CPLANE1: variants seen among roughly 807,000 people sequenced by gnomAD.
The protein encoded by CPLANE1 is ciliogenesis and planar polarity effector complex subunit 1.
In CPLANE1, 263 loss-of-function variants were observed where a neutral mutation model predicts 362.5. That is an observed-to-expected ratio of 0.73 (90% CI 0.66 to 0.80). CPLANE1 has a LOEUF of 0.80. Ranked by LOEUF, CPLANE1 falls within the 30% of genes least tolerant of loss-of-function variation. The pLI is 0.00. For synonymous variants in CPLANE1, 1,212 were observed against 1,302.6 expected (o/e 0.93, Z 1.50); for missense variants, 3,461 against 3,793.4 (o/e 0.91, Z 2.30).
intron 38 of CPLANE1, among the ~76,000 whole-genome samples, chr5:37,161,677 G>C (rs1561451237): frequency 6.6e-6 from 1 of 152,130 alleles, no homozygotes; most frequent in Non-Finnish European, 1.5e-5. Flanking sequence ...TGGACAATGA[G>C]AGTTTAGATA....
downstream of CPLANE1, among the ~76,000 whole-genome samples, chr5:37,105,100 G>C (rs1010572944): frequency 1.3e-5 from 2 of 152,032 alleles, no homozygotes; most frequent in Non-Finnish European, 2.9e-5. Flanking sequence ...TCAGGAGTTC[G>C]AGATGAGCCT....
rs75487399 is a variant in CPLANE1 at position 37,200,065 on chromosome 5, G to T, written c.3508-1199C>A. Among the ~76,000 whole-genome samples, 902 of 152,330 alleles carry T rather than the reference G, an allele frequency of 5.9e-3. 11 individuals are homozygous for T. Among genetic ancestry groups the T allele is most frequent in the African/African-American group, 0.021 (857 of 41,572 alleles). ...CAAGGGGAGCTAGTCTTCAGGTGAAGATGACACCTCAGAAAACAAACTAGA... is the reference window on the plus strand; with the variant it reads ...CAAGGGGAGCTAGTCTTCAGGTGAATATGACACCTCAGAAAACAAACTAGA... On this transcript the variant is annotated intron_variant, in intron 19 of 52. Transcript: ENST00000651892.
intron 8 of CPLANE1, among the ~76,000 whole-genome samples, chr5:37,237,690 A>G (rs1375742220): frequency 6.6e-6 from 1 of 152,094 alleles, no homozygotes; most frequent in Non-Finnish European, 1.5e-5. Flanking sequence ...ACTAAAAAAA[A>G]TACAAAAAAA....
chr5:37,154,708 C>T (rs903220964), intron 41 of CPLANE1, among the ~76,000 whole-genome samples: 4 of 152,000 alleles, frequency 2.6e-5, no homozygotes, highest in Non-Finnish European at 4.4e-5. Context: ...ATAAGTACTT[C>T]CTGGGCTGCC....
intron 16 of CPLANE1, among the ~76,000 whole-genome samples, chr5:37,208,835 ATATT>A (rs1216850053): frequency 6.6e-6 from 1 of 152,098 alleles, no homozygotes; most frequent in Admixed American, 6.6e-5. Context: ...TCTTGTTTAT[ATATT>A]TAAATTTCTG....
chr5:37,128,104 G>C (rs774829244), intron 46 of CPLANE1, among the ~76,000 whole-genome samples: 2 of 152,144 alleles, frequency 1.3e-5, no homozygotes, highest in Non-Finnish European at 2.9e-5. Flanking sequence ...AAAATTAACA[G>C]AATACAGGAT....
intron 4 of CPLANE1, among the ~76,000 whole-genome samples, chr5:37,245,225 C>T (rs952823582): frequency 6.8e-6 from 1 of 147,102 alleles, no homozygotes; most frequent in African/African-American, 2.5e-5. Context: ...ATTATTATCA[C>T]AGAAATGTTA....
chr5:37,183,323 C>T lies in CPLANE1; in HGVS notation c.4858G>A (p.Val1620Ile). 1 of 1,613,168 alleles carries T rather than the reference C, an allele frequency of 6.2e-7. No individual in the cohort carries two copies. The highest frequency in any genetic ancestry group is 8.5e-7 in the Non-Finnish European group (1 of 1,179,732). ...GATTCATAGGACTCAGGAGCAACAA[C>T]AAAGCAAGAACCAGCTCTAAACACA... The part of the protein sequence containing the change: ...QNVFRAGSCF[V>I]VAPESYESEK... Residue 1620 changes from valine (V) to isoleucine (I), a missense_variant, in exon 26 of 53, where the codon GTT becomes ATT. Val to Ile is a conservative substitution (Grantham distance 29, BLOSUM62 3). Around this residue, in one of 2 missense-constraint regions of CPLANE1, gnomAD observed 3,380 missense variants for 3,666.1 expected, o/e 0.92. Coordinates refer to ENST00000651892, the MANE Select transcript of CPLANE1 (RefSeq NM_001384732.1).
At chr5:37,122,339 C>T in intron 48 of CPLANE1, 91 bp downstream of exon 48, 1 of 960,818 alleles carries the variant, frequency 1.0e-6, no homozygotes, top group African/African-American at 1.7e-5. Flanking sequence ...AAAAAAGAGA[C>T]TATTGTGAAA....
intron 41 of CPLANE1, among the ~76,000 whole-genome samples, chr5:37,156,494 A>C (rs1443969474): frequency 6.6e-6 from 1 of 152,072 alleles, no homozygotes; most frequent in Non-Finnish European, 1.5e-5. Context: ...AATCCTAGCT[A>C]CTTAGGAGGC....
chr5:37,082,141 A>G, the CPLANE1 span, among the ~76,000 whole-genome samples: 2 of 152,316 alleles, frequency 1.3e-5, no homozygotes, highest in African/African-American at 4.8e-5. Flanking sequence ...TAGAGAAATA[A>G]CAGAGGTAAT....
rs180813216 is a variant in CPLANE1 at position 37,170,540 on chromosome 5, T to C, written c.6172-209A>G. On this transcript the variant is annotated intron_variant, in intron 32 of 52. Transcript: ENST00000651892. ...ATGATAACTTCCTGTCAACCAGGCA[T>C]ATGAATACTCACTTGCGAATGAAAC... Among the ~76,000 whole-genome samples, 255 of 152,118 alleles carry C rather than the reference T, an allele frequency of 1.7e-3. 1 individual carries two copies. Among genetic ancestry groups the C allele is most frequent in the Non-Finnish European group, 2.6e-3 (176 of 67,996 alleles).
chr5:37,230,405 G>T (rs1797482672), intron 9 of CPLANE1, among the ~76,000 whole-genome samples: 1 of 151,740 alleles, frequency 6.6e-6, no homozygotes, highest in South Asian at 2.1e-4. Flanking sequence ...GTAAAATATT[G>T]TATATCAATA....
At chr5:37,121,030 T>C (rs567122818) in intron 49 of CPLANE1, among the ~76,000 whole-genome samples, 1 of 152,370 alleles carries the variant, frequency 6.6e-6, no homozygotes, top group Non-Finnish European at 1.5e-5. Flanking sequence ...CAGATATTAA[T>C]AGAACTTTGC....
chr5:37,106,827 AG>A lies in CPLANE1; in HGVS notation c.*774del, dbSNP rs1270720375. ...TACCAAACATTGATGAAGTAGTTGAAGGATACTGGTTCTTAGTCAATTCTCA... is the reference window on the plus strand; with the variant it reads ...TACCAAACATTGATGAAGTAGTTGAAGATACTGGTTCTTAGTCAATTCTCA... On this transcript the variant is annotated 3_prime_UTR_variant, in exon 53 of 53. Coordinates refer to ENST00000651892, the MANE Select transcript of CPLANE1 (RefSeq NM_001384732.1). The A allele has an allele frequency of 1.0e-6, 1 of 978,478 alleles. No individual in the cohort carries two copies. The highest frequency in any genetic ancestry group is 1.8e-5 in the African/African-American group (1 of 57,090). 60.6% of individuals were successfully genotyped at this position (978,478 alleles called of 1,614,324 possible).
chr5:37,170,284 GGAT>G lies in CPLANE1; in HGVS notation c.6216_6218del (p.Ser2073del). ...GTTGTGTATCTGGGAGATTAGCAAA[GGAT>G]GATCCTACTATTTGCATTAGGCTCA... On this transcript the variant is annotated inframe_deletion, in exon 33 of 53. Coordinates refer to ENST00000651892, the MANE Select transcript of CPLANE1 (RefSeq NM_001384732.1). 1 of 1,614,142 alleles carries G rather than the reference GGAT, an allele frequency of 6.2e-7. No individual in the cohort carries two copies. Among genetic ancestry groups the G allele is most frequent in the South Asian group, 1.1e-5 (1 of 91,078 alleles).
intron 44 of CPLANE1, chr5:37,141,068 G>A: frequency 8.1e-6 from 8 of 985,282 alleles, no homozygotes; most frequent in Non-Finnish European, 9.6e-6. Context: ...TAGTCACTGA[G>A]TACCATCAGT....
At chr5:37,125,211 G>A in intron 47 of CPLANE1, 33 bp downstream of exon 47, 1 of 1,578,004 alleles carries the variant, frequency 6.3e-7, no homozygotes, top group Non-Finnish European at 8.6e-7. Context: ...CACATATTCT[G>A]TAATTCCATT....
At chr5:37,239,352 G>A (rs1799759091) in intron 7 of CPLANE1, among the ~76,000 whole-genome samples, 2 of 152,050 alleles carry the variant, frequency 1.3e-5, no homozygotes, top group South Asian at 4.1e-4. Context: ...AGGCTGAGGT[G>A]GGAGAACTGC....
Sources: allele counts gnomAD v4.1 joint callset (sites outside exome capture counted in the v4.1 genomes callset), GRCh38; gene constraint gnomAD v4.1.1; regional missense constraint gnomAD v4.1.1; transcripts MANE v1.5; gene names NCBI Gene and HGNC (gene_info 2026-07-23, HGNC 2026-07-21).